NFRKB: variants seen among roughly 807,000 people sequenced by gnomAD.
The protein encoded by NFRKB is nuclear factor related to kappa-B-binding protein.
Under a neutral mutation model 135.7 loss-of-function variants are expected in NFRKB, and 62 were observed. The ratio of observed to expected loss-of-function variants is 0.46; its 90% CI spans 0.37 to 0.56. The LOEUF (loss-of-function observed/expected upper bound fraction) is 0.56. Ranked by LOEUF, NFRKB falls within the 20% of genes least tolerant of loss-of-function variation. The pLI is 0.00. For missense variants in NFRKB, 1,545 were observed against 1,662.0 expected (o/e 0.93, Z 1.22); for synonymous variants, 678 against 635.6 (o/e 1.07, Z -1.00).
chr11:129,864,171 C>G lies in NFRKB; in HGVS notation c.*554G>C, dbSNP rs558689531. 1 of 152,854 alleles carries G rather than the reference C, an allele frequency of 6.5e-6. No individual in the cohort carries two copies. Among genetic ancestry groups the G allele is most frequent in the South Asian group, 2.1e-4 (1 of 4,844 alleles). 9.5% of individuals were successfully genotyped at this position (152,854 alleles called of 1,614,324 possible). A position where few individuals can be genotyped will look rare whatever the true frequency, so the allele number is the denominator to read the frequency against. ...AGCTGGCTACCACCTTACTAAGATT[C>G]TTGCCATTTTCTCATTCTAGTCAAA... On this transcript the variant is annotated 3_prime_UTR_variant, in exon 27 of 27. Transcript: ENST00000682444.
At chr11:129,883,288 T>C in intron 8 of NFRKB, 82 bp from the exon 9 acceptor site, 1 of 944,386 alleles carries the variant, frequency 1.1e-6, no homozygotes, top group African/African-American at 1.6e-5. Flanking sequence ...TATGTAACAA[T>C]TAGATGTTAG....
rs762350919 is a variant in NFRKB at position 129,882,566 on chromosome 11, T to A, written c.967A>T (p.Ile323Leu). 5.6e-6 allele frequency: 9 copies of A among 1,614,056 alleles called. No homozygotes were observed. The East Asian group carries it at 8.9e-5, about 16-fold the overall frequency. ...KEKEEKKKKK[I>L]KTIKSEAEDL... ...TCTGCCTCTGATTTGATCGTTTTTATTTTCTTCTTCTTCTTTTCCTCTTTT... is the reference window on the plus strand; with the variant it reads ...TCTGCCTCTGATTTGATCGTTTTTAATTTCTTCTTCTTCTTTTCCTCTTTT... Residue 323 changes from isoleucine to leucine, a missense_variant, in exon 10 of 27, where the codon ATA becomes TTA. Ile to Leu is a conservative substitution (Grantham distance 5, BLOSUM62 2). Around this residue, in one of 3 missense-constraint regions of NFRKB, gnomAD observed 678 missense variants for 646.7 expected, o/e 1.05. Coordinates refer to ENST00000682444, the MANE Select transcript of NFRKB (RefSeq NM_001143835.2).
chr11:129,895,303 G>A (rs1949723066), intron 1 of NFRKB, among the ~76,000 whole-genome samples, 193 bp downstream of exon 1: 1 of 152,112 alleles, frequency 6.6e-6, no homozygotes, highest in Non-Finnish European at 1.5e-5. Context: ...GAACTGCACG[G>A]CTCGGCCCCG....
At chr11:129,879,994 C>G (rs1014029002) in intron 13 of NFRKB, among the ~76,000 whole-genome samples, 2 of 152,144 alleles carry the variant, frequency 1.3e-5, no homozygotes, top group Non-Finnish European at 2.9e-5. Flanking sequence ...CAAGACTAGC[C>G]TGGACAACAT....
Position 129,884,059 on chromosome 11 carries a change from T to C in NFRKB, c.816+11A>G. 6.2e-7 allele frequency: 1 copy of C among 1,614,092 alleles called. No homozygotes were observed. The highest frequency in any genetic ancestry group is 8.5e-7 in the Non-Finnish European group (1 of 1,179,930). On this transcript the variant is annotated intron_variant, in intron 8 of 26. Transcript: ENST00000682444. ...TGAAAACCACACGGCCGCACGCCCTTCCCATCTTACTGGCTGATGTTTCCG... is the reference window on the plus strand; with the variant it reads ...TGAAAACCACACGGCCGCACGCCCTCCCCATCTTACTGGCTGATGTTTCCG...
chr11:129,886,483 C>G (rs779319624), intron 4 of NFRKB, 39 bp from the exon 5 acceptor site: 2 of 1,574,612 alleles, frequency 1.3e-6, no homozygotes, highest in Non-Finnish European at 1.7e-6. Context: ...CATCAATCAA[C>G]AAATATACAT....
chr11:129,871,667 T>C (rs577049420), intron 23 of NFRKB, among the ~76,000 whole-genome samples: 2 of 152,292 alleles, frequency 1.3e-5, no homozygotes, highest in East Asian at 3.9e-4. Flanking sequence ...CCTCCACCTC[T>C]GATGAACGGT....
intron 16 of NFRKB, 74 bp from the exon 17 acceptor site, chr11:129,876,969 A>C (rs1310549685): frequency 1.5e-6 from 2 of 1,375,936 alleles, no homozygotes; most frequent in Admixed American, 2.0e-5. Flanking sequence ...TTACAATATA[A>C]GCAGATCCAC....
chr11:129,865,407 C>G (rs537924623), intron 25 of NFRKB, among the ~76,000 whole-genome samples: 1 of 152,270 alleles, frequency 6.6e-6, no homozygotes, highest in African/African-American at 2.4e-5. Flanking sequence ...AAGAAACGCT[C>G]CCCCTAATAG....
At chr11:129,884,610 A>G (rs1244725468) in intron 7 of NFRKB, 135 bp downstream of exon 7, 1 of 1,032,046 alleles carries the variant, frequency 9.7e-7, no homozygotes, top group African/African-American at 1.6e-5. Context: ...AACTTTGCCA[A>G]ACAAATCACC....
chr11:129,864,687 C>CAGG lies in NFRKB; in HGVS notation c.*35_*37dup, dbSNP rs1565382263. The stretch of plus-strand genomic sequence containing the variant: ...TGGTCCCTTCTCAGCCAGGACAGAC[C>CAGG]AGGCATGGTCTTTCACGGAAGCCAT... On this transcript the variant is annotated 3_prime_UTR_variant, in exon 27 of 27. Coordinates refer to ENST00000682444, the MANE Select transcript of NFRKB (RefSeq NM_001143835.2). 23 of 1,613,384 alleles carry CAGG rather than the reference C, an allele frequency of 1.4e-5. No individual in the cohort carries two copies. Among genetic ancestry groups the CAGG allele is most frequent in the Non-Finnish European group, 1.8e-5 (21 of 1,179,952 alleles).
intron 17 of NFRKB, among the ~76,000 whole-genome samples, chr11:129,875,884 T>G (rs896513570): frequency 1.3e-5 from 2 of 152,064 alleles, no homozygotes; most frequent in African/African-American, 2.4e-5. Flanking sequence ...CTTGAACTCC[T>G]GAGCTCAGGT....
rs1949192598 is a variant in NFRKB, at chr11:129,884,763, T to C, written c.724A>G (p.Thr242Ala). The change falls in exon 7 of 27, where the codon ACG becomes GCG. Residue 242 changes from threonine (T) to alanine (A), a missense_variant. This residue lies in a region of NFRKB where 678 missense variants were observed against 646.7 expected (regional missense o/e 1.05). Transcript: ENST00000682444. Reference protein sequence around the residue: ...PLRVVPTLSTTDMKTADKVEL... With the variant: ...PLRVVPTLSTADMKTADKVEL... ...TTCTCACCTGCAGTTTTCATATCCGTGGTTGAAAGTGTGGGCACCACCCGC... is the reference window on the plus strand; with the variant it reads ...TTCTCACCTGCAGTTTTCATATCCGCGGTTGAAAGTGTGGGCACCACCCGC... The C allele has an allele frequency of 6.2e-7, 1 of 1,613,994 alleles. No homozygotes were observed. Among genetic ancestry groups the C allele is most frequent in the Non-Finnish European group, 8.5e-7 (1 of 1,180,008 alleles).
At chr11:129,881,364 T>C (rs1177446534) in intron 13 of NFRKB, 79 bp downstream of exon 13, 1 of 1,428,388 alleles carries the variant, frequency 7.0e-7, no homozygotes, top group African/African-American at 1.4e-5. Context: ...CAGGACTATA[T>C]TGACTGGAAG....
In NFRKB at chr11:129,872,147, C is replaced by G. The variant is rs556050259; in HGVS notation, c.2763+737G>C. ...TAAAATAACACACTACTGCTCTCCA[C>G]CCCTGAGCCTGCCTACTGATTAGCA... On this transcript the variant is annotated intron_variant, in intron 23 of 26. Transcript: ENST00000682444. 6.6e-5 allele frequency among the ~76,000 whole-genome samples: 10 copies of G among 152,306 alleles called. No homozygotes were observed. The East Asian group carries it at 1.4e-3, about 21-fold the overall frequency.
chr11:129,873,248 A>G (rs1166235712), intron 22 of NFRKB, 152 bp from the exon 23 acceptor site: 4 of 626,504 alleles, frequency 6.4e-6, no homozygotes, highest in Admixed American at 3.4e-5. Context: ...TAAAATGGAC[A>G]CTGTAAATGT....
Position 129,874,913 on chromosome 11 carries a change from T to A in NFRKB, c.1858A>T (p.Asn620Tyr). Reference protein sequence around the residue: ...LAPDVTSTQVNTVVSGALDRL... With the variant: ...LAPDVTSTQVYTVVSGALDRL... ...TCCAGTGCACCACTCACTACTGTAT[T>A]TACCTACAAATCAGACAAAGGGAAA... The change falls in exon 19 of 27, where the codon AAT becomes TAT. Residue 620 changes from asparagine to tyrosine, a missense_variant. Coordinates refer to ENST00000682444, the MANE Select transcript of NFRKB (RefSeq NM_001143835.2). This position sits in a 1 kb window ranked among gnomAD's most constrained non-coding sequence, Gnocchi z 4.5. The A allele has an allele frequency of 6.2e-7, 1 of 1,614,138 alleles. No homozygotes were observed. Among genetic ancestry groups the A allele is most frequent in the South Asian group, 1.1e-5 (1 of 91,064 alleles).
chr11:129,879,126 G>A (rs975224765), intron 13 of NFRKB, among the ~76,000 whole-genome samples: 1 of 152,122 alleles, frequency 6.6e-6, no homozygotes, highest in Non-Finnish European at 1.5e-5. Flanking sequence ...GACCCTGATG[G>A]CACCTGTGTC....
Position 129,873,043 on chromosome 11 carries a change from C to T in NFRKB, c.2604G>A (p.Gln868=). ...VKAQTTAATV[Q]RPGPGQTGLT... ...GCCCTGTCTGCCCGGGTCCAGGCCG[C>T]TGCACAGTGGCTGCCGTAGTCTGCG... is the stretch of plus-strand genomic sequence containing the variant. The change falls in exon 23 of 27, where the codon CAG becomes CAA. Residue 868 remains glutamine (Q), a synonymous_variant. Transcript: ENST00000682444. 6.2e-7 allele frequency: 1 copy of T among 1,613,924 alleles called. No individual in the cohort carries two copies. Among genetic ancestry groups the T allele is most frequent in the East Asian group, 2.2e-5 (1 of 44,890 alleles).
Sources: gnomAD v4.1 joint callset for allele counts (sites outside exome capture counted in the v4.1 genomes callset) on GRCh38, gnomAD v4.1.1 for gene constraint, gnomAD v4.1.1 regional missense constraint, Gnocchi (gnomAD v3.1) non-coding constraint, MANE v1.5 for transcripts, NCBI Gene and HGNC (gene_info 2026-07-23, HGNC 2026-07-21) for gene names.